Variants in KMT5B observed in about 807,000 individuals in gnomAD.
KMT5B encodes lysine methyltransferase 5B.
In KMT5B, 10 loss-of-function variants were observed where a neutral mutation model predicts 83.2. The ratio of observed to expected loss-of-function variants is 0.12; its 90% CI spans 0.07 to 0.20. The LOEUF is 0.20. Ranked by LOEUF, KMT5B falls within the 10% of genes least tolerant of loss-of-function variation. The pLI, the probability that KMT5B is intolerant of heterozygous loss-of-function variation, is 1.00. For missense variants in KMT5B, 753 were observed against 1,067.2 expected (o/e 0.71, Z 4.10); for synonymous variants, 349 against 388.8 (o/e 0.90, Z 1.20).
chr11:68,201,311 A>G (rs1859415012), intron 1 of KMT5B, among the ~76,000 whole-genome samples: 1 of 152,236 alleles, frequency 6.6e-6, no homozygotes, highest in Non-Finnish European at 1.5e-5. Flanking sequence ...TCAGAAAAAA[A>G]CTGAAAACCT....
chr11:68,174,922 A>G, intron 5 of KMT5B, 96 bp downstream of exon 5: 1 of 1,123,384 alleles, frequency 8.9e-7, no homozygotes, highest in Non-Finnish European at 1.3e-6. Context: ...ATGAAAAATA[A>G]ATTTAAAATT....
intron 4 of KMT5B, among the ~76,000 whole-genome samples, chr11:68,177,474 C>T (rs1048586658): frequency 1.3e-5 from 2 of 152,120 alleles, no homozygotes; most frequent in African/African-American, 4.8e-5. Flanking sequence ...AGAGGAAAGA[C>T]ATGAGGTCCT....
chr11:68,171,590 T>G lies in KMT5B; in HGVS notation c.773A>C (p.Lys258Thr). 1 of 1,614,166 alleles carries G rather than the reference T, an allele frequency of 6.2e-7. No individual in the cohort carries two copies. Among genetic ancestry groups the G allele is most frequent in the Non-Finnish European group, 8.5e-7 (1 of 1,180,012 alleles). ...NDFSVMYSTR[K>T]NCAQLWLGPA... ...ACCCAGCCAGAGTTGAGCACAGTTTTTCCTTGTGGAGTACATGACACTGAA... is the reference window on the plus strand; with the variant it reads ...ACCCAGCCAGAGTTGAGCACAGTTTGTCCTTGTGGAGTACATGACACTGAA... Residue 258 changes from lysine to threonine, a missense_variant, in exon 7 of 11, where the codon AAA becomes ACA. Physicochemically the swap from Lys to Thr is moderately conservative, Grantham distance 78 (BLOSUM62 -1). This residue lies in a region of KMT5B where 34 missense variants were observed against 172.5 expected (regional missense o/e 0.20). Transcript: ENST00000304363. The surrounding 1 kb of genome is among the most constrained non-coding windows in gnomAD (Gnocchi z 5.1).
intron 1 of KMT5B, among the ~76,000 whole-genome samples, chr11:68,204,735 G>C (rs1859872037): frequency 6.8e-6 from 1 of 146,100 alleles, no homozygotes. Flanking sequence ...TCCTGCCTCA[G>C]CCTCCTGAGT....
At chr11:68,203,190 G>T (rs1218529651) in intron 1 of KMT5B, among the ~76,000 whole-genome samples, 1 of 151,958 alleles carries the variant, frequency 6.6e-6, no homozygotes, top group Admixed American at 6.6e-5. Context: ...TGGTCAGGCT[G>T]GTCTCGAACT....
Position 68,190,157 on chromosome 11 carries a change from C to T in KMT5B, c.-76-5G>A. 7.5e-7 allele frequency: 1 copy of T among 1,337,246 alleles called. No homozygotes were observed. Among genetic ancestry groups the T allele is most frequent in the Non-Finnish European group, 1.0e-6 (1 of 956,434 alleles). The allele number at this position is 1,337,246 out of a possible 1,614,324, so 82.8% of individuals were successfully genotyped here. A position where few individuals can be genotyped will look rare whatever the true frequency, so the allele number is the denominator to read the frequency against. Reference sequence around the variant, plus strand: ...GAATACTTTCAATGTTCTCTCCTAACAGAAACAAAATATGAAAAACAAAAC... The same window carrying T: ...GAATACTTTCAATGTTCTCTCCTAATAGAAACAAAATATGAAAAACAAAAC... On this transcript the variant is annotated splice_polypyrimidine_tract_variant and splice_region_variant and intron_variant, in intron 1 of 10. Transcript: ENST00000304363.
chr11:68,175,255 T>A, intron 4 of KMT5B, 72 bp from the exon 5 acceptor site: 1 of 1,257,876 alleles, frequency 7.9e-7, no homozygotes, highest in African/African-American at 1.5e-5. Context: ...TTAACAGATC[T>A]TGAGAAAGAG....
At chr11:68,211,635 C>T (rs745934829) in intron 1 of KMT5B, among the ~76,000 whole-genome samples, 7 of 152,138 alleles carry the variant, frequency 4.6e-5, no homozygotes, top group Non-Finnish European at 8.8e-5. Flanking sequence ...CAAAAACTCA[C>T]GAGTAACCAC....
At chr11:68,162,426 C>G (rs923751630) in intron 10 of KMT5B, among the ~76,000 whole-genome samples, 3 of 152,202 alleles carry the variant, frequency 2.0e-5, no homozygotes, top group African/African-American at 7.2e-5. Context: ...TTTGAATAGG[C>G]TTCACTTGGC....
rs181118822 is a variant in KMT5B at position 68,156,210 on chromosome 11, A to G, written c.*1478T>C. 3.9e-5 allele frequency: 6 copies of G among 152,412 alleles called. No homozygotes were observed. Among genetic ancestry groups the G allele is most frequent in the Admixed American group, 1.3e-4 (2 of 15,304 alleles). The allele number at this position is 152,412 out of a possible 1,614,324, so 9.4% of individuals were successfully genotyped here. ...ATTGATTTTTACTTAGGAACACTGT[A>G]TATCAGAAAGTACAGGTACACATTT... On this transcript the variant is annotated 3_prime_UTR_variant, in exon 11 of 11. Coordinates refer to ENST00000304363, the MANE Select transcript of KMT5B (RefSeq NM_017635.5).
Position 68,171,025 on chromosome 11 carries a change from T to G in KMT5B, c.967A>C (p.Thr323Pro). The change falls in exon 9 of 11, where the codon ACT becomes CCT. Residue 323 changes from threonine (T) to proline (P), a missense_variant. By Grantham distance (38) the Thr-to-Pro change is conservative (BLOSUM62 -1). Transcript: ENST00000304363. This position sits in a 1 kb window ranked among gnomAD's most constrained non-coding sequence, Gnocchi z 5.1. ...TACTTAATACCTTACCTTTCGCAAG[T>G]GTAACACTCGCAGAACTCATTATTT... ...GENNEFCECYTCERRGTGAFK... is the reference protein window; with the variant it reads ...GENNEFCECYPCERRGTGAFK... 6.3e-7 allele frequency: 1 copy of G among 1,583,592 alleles called. No homozygotes were observed. The highest frequency in any genetic ancestry group is 8.5e-7 in the Non-Finnish European group (1 of 1,172,998).
At chr11:68,192,042 C>T (rs1858147152) in intron 1 of KMT5B, among the ~76,000 whole-genome samples, 1 of 152,188 alleles carries the variant, frequency 6.6e-6, no homozygotes, top group Non-Finnish European at 1.5e-5. Flanking sequence ...AGTACAGTAA[C>T]AAGCTGTACA....
chr11:68,163,260 C>T (rs1288375684), intron 10 of KMT5B, among the ~76,000 whole-genome samples: 13 of 152,178 alleles, frequency 8.5e-5, no homozygotes, highest in Non-Finnish European at 2.9e-5. Flanking sequence ...CACATTCATC[C>T]TAATGAACGC....
rs971029349 is a variant in KMT5B at position 68,206,186 on chromosome 11, C to A, written c.-77+6952G>T. On this transcript the variant is annotated intron_variant, in intron 1 of 10. Coordinates refer to ENST00000304363, the MANE Select transcript of KMT5B (RefSeq NM_017635.5). ...AAGAAAACAAAAAATGCCTGCTTCC[C>A]CCATCTCTCCACATTTGATCCATCT... is the stretch of plus-strand genomic sequence containing the variant. Among the ~76,000 whole-genome samples the A allele has an allele frequency of 7.2e-5, 11 of 152,284 alleles. No homozygotes were observed. In the South Asian group the frequency reaches 2.3e-3, roughly 32 times the overall value.
chr11:68,165,803 A>G, intron 10 of KMT5B: 1 of 1,579,242 alleles, frequency 6.3e-7, no homozygotes, highest in South Asian at 1.2e-5. Context: ...GACATTAACG[A>G]AAAAGACTGG....
intron 1 of KMT5B, among the ~76,000 whole-genome samples, chr11:68,207,844 A>T (rs1860345275): frequency 1.3e-5 from 2 of 149,272 alleles, no homozygotes; most frequent in African/African-American, 2.5e-5. Flanking sequence ...ACCCAAACAA[A>T]TTTTTTATTT....
chr11:68,198,464 AG>A, intron 1 of KMT5B, among the ~76,000 whole-genome samples: 1 of 114,482 alleles, frequency 8.7e-6, no homozygotes, highest in East Asian at 3.2e-4. Context: ...AGACAAGACA[AG>A]ACAAGACAAG....
At chr11:68,161,911 T>C (rs1481543744) in intron 10 of KMT5B, among the ~76,000 whole-genome samples, 2 of 152,146 alleles carry the variant, frequency 1.3e-5, no homozygotes, top group Non-Finnish European at 2.9e-5. Flanking sequence ...GGTCACCAAA[T>C]ACTGACTGTC....
chr11:68,185,664 TG>T, intron 3 of KMT5B, 116 bp downstream of exon 3: 1 of 1,045,460 alleles, frequency 9.6e-7, no homozygotes, highest in Non-Finnish European at 1.3e-6. Flanking sequence ...ACCCTTCCAC[TG>T]CAAAGAACTT....
Sources: allele counts gnomAD v4.1 joint callset (sites outside exome capture counted in the v4.1 genomes callset), GRCh38; gene constraint gnomAD v4.1.1; regional missense constraint gnomAD v4.1.1; non-coding constraint Gnocchi (gnomAD v3.1); transcripts MANE v1.5; gene names NCBI Gene and HGNC (gene_info 2026-07-23, HGNC 2026-07-21).